The following PHACTR1 variants were observed in gnomAD, a reference collection of about 807,000 sequenced individuals.
The protein encoded by PHACTR1 is RPEL repeat containing 1.
Under a neutral mutation model 69.2 loss-of-function variants are expected in PHACTR1, and 16 were observed. That is an observed-to-expected ratio of 0.23 (90% CI 0.16 to 0.35). The LOEUF is 0.35. Among genes scored for constraint, PHACTR1 ranks in the 10% least tolerant of loss-of-function variants. The pLI is 1.00. For missense variants in PHACTR1, 510 were observed against 734.7 expected, an observed-to-expected ratio of 0.69 and a Z score of 3.54; for synonymous variants, 312 against 284.5, an observed-to-expected ratio of 1.10 and a Z score of -0.97.
intron 5 of PHACTR1, among the ~76,000 whole-genome samples, chr6:13,054,298 G>A (rs1313032875): frequency 2.0e-5 from 3 of 152,220 alleles, no homozygotes; most frequent in African/African-American, 7.2e-5. Flanking sequence ...ATAAGTAAGG[G>A]TGTGCAGAGG....
chr6:13,231,093 AGGAAGGGAAAAGAAAGAAGGAAAG>A lies in PHACTR1; in HGVS notation c.1391+901_1391+924del, dbSNP rs1367210588. 2.0e-3 allele frequency among the ~76,000 whole-genome samples: 131 copies of A among 65,912 alleles called. 9 individuals are homozygous for A. The highest frequency in any genetic ancestry group is 6.6e-3 in the African/African-American group (124 of 18,756). 43.2% of individuals were successfully genotyped at this position (65,912 alleles called of 152,430 possible). On this transcript the variant is annotated intron_variant, in intron 10 of 14. Coordinates refer to ENST00000332995, the MANE Select transcript of PHACTR1 (RefSeq NM_030948.6). ...GAAGGAAGGAAGGAAGGAAGAAGGAAGGAAGGGAAAAGAAAGAAGGAAAGAGAGAAAGAAAGAAGGAAAGAGAAA... is the reference window on the plus strand; with the variant it reads ...GAAGGAAGGAAGGAAGGAAGAAGGAAAGAGAAAGAAAGAAGGAAAGAGAAA...
chr6:12,762,487 C>G (rs1379738664), intron 4 of PHACTR1, among the ~76,000 whole-genome samples: 5 of 152,272 alleles, frequency 3.3e-5, no homozygotes, highest in African/African-American at 1.2e-4. Context: ...TACATTATTA[C>G]AATTGTGAAA....
Position 13,206,075 on chromosome 6 carries a change from G to A in PHACTR1, c.925G>A (p.Gly309Ser), listed in dbSNP as rs780164581. 6.2e-7 allele frequency: 1 copy of A among 1,613,422 alleles called. No homozygotes were observed. Among genetic ancestry groups the A allele is most frequent in the East Asian group, 2.2e-5 (1 of 44,870 alleles). Residue 309 changes from glycine (G) to serine (S), a missense_variant, in exon 8 of 15, where the codon GGC becomes AGC. Gly to Ser is a moderately conservative substitution (Grantham distance 56, BLOSUM62 0). This residue lies in a region of PHACTR1 where 419 missense variants were observed against 530.9 expected (regional missense o/e 0.79). Transcript: ENST00000332995. Reference sequence around the variant, plus strand: ...CGGCTCCCTCCCCATGCACCCCTCGGGCTGCAGAATGATAGACGAGCTCAA... The same window carrying A: ...CGGCTCCCTCCCCATGCACCCCTCGAGCTGCAGAATGATAGACGAGCTCAA... ...TTGSLPMHPSGCRMIDELNKT... is the reference protein window; with the variant it reads ...TTGSLPMHPSSCRMIDELNKT...
intron 5 of PHACTR1, among the ~76,000 whole-genome samples, chr6:13,081,998 A>G (rs112659581): frequency 3.9e-5 from 6 of 152,300 alleles, no homozygotes; most frequent in African/African-American, 1.2e-4. Context: ...GGTAAGATCA[A>G]TCTGGCCACA....
intron 5 of PHACTR1, among the ~76,000 whole-genome samples, chr6:13,093,155 A>G (rs1291100690): frequency 1.3e-5 from 2 of 152,188 alleles, no homozygotes; most frequent in Non-Finnish European, 2.9e-5. Flanking sequence ...TTATTTAGAA[A>G]CAGGTATTAC....
At chr6:12,976,474 A>T (rs1030586622) in intron 4 of PHACTR1, among the ~76,000 whole-genome samples, 2 of 152,228 alleles carry the variant, frequency 1.3e-5, no homozygotes, top group African/African-American at 4.8e-5. Context: ...TCCAGAACTT[A>T]TGGACTAAAG....
intron 5 of PHACTR1, among the ~76,000 whole-genome samples, chr6:13,117,034 C>G (rs777300779): frequency 6.6e-6 from 1 of 152,202 alleles, no homozygotes; most frequent in Non-Finnish European, 1.5e-5. Context: ...GAGGTCTGAG[C>G]TGACTTAGTC....
chr6:12,800,899 G>GAA (rs71552717), intron 4 of PHACTR1, among the ~76,000 whole-genome samples: 4 of 146,188 alleles, frequency 2.7e-5, no homozygotes, highest in African/African-American at 5.0e-5. Flanking sequence ...AAAAGAAAAA[G>GAA]AAAAAAAAAA....
chr6:13,141,399 A>G (rs1468937332), intron 5 of PHACTR1, among the ~76,000 whole-genome samples: 3 of 152,202 alleles, frequency 2.0e-5, no homozygotes, highest in Non-Finnish European at 4.4e-5. Context: ...AAAGAAAATG[A>G]TGTCTGCTAT....
chr6:12,872,561 A>G (rs957451152), intron 4 of PHACTR1, among the ~76,000 whole-genome samples: 3 of 152,218 alleles, frequency 2.0e-5, no homozygotes, highest in African/African-American at 7.2e-5. Context: ...GTATGTTGAT[A>G]CAAGAAAGAA....
chr6:12,979,756 AAGTTACACTGTAACTT>A (rs1479669964), intron 4 of PHACTR1, among the ~76,000 whole-genome samples: 8 of 151,550 alleles, frequency 5.3e-5, no homozygotes, highest in Admixed American at 3.9e-4. Context: ...CCACACAACT[AAGTTACACTGTAACTT>A]AGTTACAGTG....
chr6:12,843,723 G>C (rs1301635189), intron 4 of PHACTR1, among the ~76,000 whole-genome samples: 1 of 152,098 alleles, frequency 6.6e-6, no homozygotes, highest in Non-Finnish European at 1.5e-5. Flanking sequence ...ATTCAAAGAT[G>C]GTAAACTGAC....
At chr6:12,846,967 C>T (rs1779344717) in intron 4 of PHACTR1, among the ~76,000 whole-genome samples, 1 of 147,554 alleles carries the variant, frequency 6.8e-6, no homozygotes, top group Non-Finnish European at 1.5e-5. Context: ...ACGCCACACA[C>T]CCTGCTAATT....
intron 4 of PHACTR1, among the ~76,000 whole-genome samples, chr6:12,963,573 T>A (rs1276697130): frequency 6.6e-6 from 1 of 152,174 alleles, no homozygotes; most frequent in Non-Finnish European, 1.5e-5. Context: ...AAAAATACAG[T>A]ATGCCTCCAG....
chr6:12,740,489 C>T (rs1020242956), intron 3 of PHACTR1, among the ~76,000 whole-genome samples: 3 of 152,002 alleles, frequency 2.0e-5, no homozygotes, highest in Admixed American at 1.3e-4. Context: ...TAAGTAATGT[C>T]GCTGAGTATC....
rs1422571538 is a variant in PHACTR1 at position 13,003,978 on chromosome 6, TAC to T, written c.251-49383_251-49382del. Among the ~76,000 whole-genome samples, 198 of 123,940 alleles carry T rather than the reference TAC, an allele frequency of 1.6e-3. 35 individuals are homozygous for T. The highest frequency in any genetic ancestry group is 6.7e-3 in the African/African-American group (183 of 27,450). The allele number at this position is 123,940 out of a possible 152,430, so 81.3% of individuals were successfully genotyped here. A position where few individuals can be genotyped will look rare whatever the true frequency, so the allele number is the denominator to read the frequency against. ...ATATATATATATGTATATATATATA[TAC>T]ACATATATATATATCACATTTTCTT... On this transcript the variant is annotated intron_variant, in intron 4 of 14. Coordinates refer to ENST00000332995, the MANE Select transcript of PHACTR1 (RefSeq NM_030948.6).
At chr6:13,251,997 G>C (rs564963177) in intron 10 of PHACTR1, among the ~76,000 whole-genome samples, 278 of 151,242 alleles carry the variant, frequency 1.8e-3, no homozygotes, top group Non-Finnish European at 3.3e-3. Context: ...TGAGGCTACA[G>C]TGAGCTGTGA....
intron 4 of PHACTR1, among the ~76,000 whole-genome samples, chr6:12,920,842 T>C (rs948948837): frequency 5.9e-5 from 9 of 152,260 alleles, no homozygotes; most frequent in African/African-American, 1.7e-4. Context: ...TTCAAGGGAC[T>C]GGAAAATAGA....
At chr6:13,229,232 G>A (rs1235101628) in intron 9 of PHACTR1, among the ~76,000 whole-genome samples, 2 of 152,200 alleles carry the variant, frequency 1.3e-5, no homozygotes, top group Non-Finnish European at 2.9e-5. Flanking sequence ...TACACTGTGG[G>A]ATGTTTACAG....
Sources: allele counts gnomAD v4.1 joint callset (sites outside exome capture counted in the v4.1 genomes callset), GRCh38; gene constraint gnomAD v4.1.1; regional missense constraint gnomAD v4.1.1; transcripts MANE v1.5; gene names NCBI Gene and HGNC (gene_info 2026-07-23, HGNC 2026-07-21).